The following CHST6 variants were observed in gnomAD, a reference collection of about 807,000 sequenced individuals.
CHST6 encodes the protein carbohydrate sulfotransferase 6.
For synonymous variants in CHST6, 309 were observed against 276.4 expected, an observed-to-expected ratio of 1.12 and a Z score of -1.17; for missense variants, 698 against 586.2, an observed-to-expected ratio of 1.19 and a Z score of -1.97.
At position 75,478,580 on chromosome 16, in the gene CHST6, G is replaced by T. The variant is rs2080091365; in HGVS notation, c.*61C>A. 1.3e-6 allele frequency: 2 copies of T among 1,556,602 alleles called. No homozygotes were observed. Among genetic ancestry groups the T allele is most frequent in the Non-Finnish European group, 1.8e-6 (2 of 1,128,688 alleles). On this transcript the variant is annotated 3_prime_UTR_variant, in exon 3 of 3. Coordinates refer to ENST00000332272, the MANE Select transcript of CHST6 (RefSeq NM_021615.5). The stretch of plus-strand genomic sequence containing the variant: ...GGGACCTGCTTCTCCGTGCGCCCCA[G>T]CCCCCTCTGCACCATGCACTCTCCT...
At position 75,479,127 on chromosome 16, in the gene CHST6, C is replaced by G. The variant is rs773482250; in HGVS notation, c.702G>C (p.Glu234Asp). ...IVLGTNGTWV[E>D]ADPGLRVVRE... Reference sequence around the variant, plus strand: ...GCACCACGCGCAGGCCGGGGTCGGCCTCCACCCACGTGCCGTTGGTGCCCA... The same window carrying G: ...GCACCACGCGCAGGCCGGGGTCGGCGTCCACCCACGTGCCGTTGGTGCCCA... The change falls in exon 3 of 3, where the codon GAG (glutamate) becomes GAC (aspartate). Residue 234 changes from glutamate to aspartate, a missense_variant. Transcript: ENST00000332272. 6.2e-6 allele frequency: 10 copies of G among 1,606,012 alleles called. No homozygotes were observed. Among genetic ancestry groups the G allele is most frequent in the Non-Finnish European group, 7.6e-6 (9 of 1,178,756 alleles).
Position 75,495,332 on chromosome 16 carries a change from C to G in CHST6, c.-484G>C, listed in dbSNP as rs979195437. ...TCCCTCTGGAACCCGGCACTGCGGC[C>G]CGCGCCCTCTACTCCCCGCGCGCCG... is the stretch of plus-strand genomic sequence containing the variant. On this transcript the variant is annotated 5_prime_UTR_variant, in exon 1 of 3. Transcript: ENST00000332272. 3.3e-5 allele frequency: 5 copies of G among 152,528 alleles called. No individual in the cohort carries two copies. Among genetic ancestry groups the G allele is most frequent in the Non-Finnish European group, 5.9e-5 (4 of 68,314 alleles). The allele number at this position is 152,528 out of a possible 1,614,324, so 9.4% of individuals were successfully genotyped here.
Position 75,478,888 on chromosome 16 carries a change from G to C in CHST6, c.941C>G (p.Ala314Gly), listed in dbSNP as rs1013457015. ...HNITHGSGPG[A>G]RREAFKTSSR... ...CGAAGTCTTGAAGGCTTCGCGGCGC[G>C]CACCAGGTCCAGATCCGTGGGTGAT... Residue 314 changes from alanine (A) to glycine (G), a missense_variant, in exon 3 of 3, where the codon GCG becomes GGG. Physicochemically the swap from Ala to Gly is moderately conservative, Grantham distance 60. Transcript: ENST00000332272. The C allele has an allele frequency of 1.9e-6, 3 of 1,613,392 alleles. No individual in the cohort carries two copies. In the East Asian group the frequency reaches 6.7e-5, roughly 36 times the overall value.
Position 75,479,834 on chromosome 16 carries a change from C to A in CHST6, c.-6G>T. 6.5e-7 allele frequency: 1 copy of A among 1,550,364 alleles called. No individual in the cohort carries two copies. Among genetic ancestry groups the A allele is most frequent in the South Asian group, 1.2e-5 (1 of 84,596 alleles). On this transcript the variant is annotated 5_prime_UTR_variant, in exon 3 of 3. Coordinates refer to ENST00000332272, the MANE Select transcript of CHST6 (RefSeq NM_021615.5). The stretch of plus-strand genomic sequence containing the variant: ...GAGACGCGCGGCAGCCACATGCTGA[C>A]TGCTGGGGGCCTTAGGGAGGAGAGC...
At chr16:75,484,854 C>T (rs550175074) in intron 1 of CHST6, among the ~76,000 whole-genome samples, 106 of 152,016 alleles carry the variant, frequency 7.0e-4, no homozygotes, top group African/African-American at 2.4e-3. Context: ...AAAAACAAAA[C>T]AAACAAACAA....
intron 1 of CHST6, among the ~76,000 whole-genome samples, chr16:75,491,172 A>ATATAT: frequency 1.4e-5 from 1 of 70,600 alleles, no homozygotes; most frequent in African/African-American, 7.4e-5. Context: ...TCTTAAAAAA[A>ATATAT]AAAAAAAAAA....
In CHST6 at chr16:75,472,853, C is replaced by T. The variant is rs1002523770; in HGVS notation, c.*5788G>A. On this transcript the variant is annotated 3_prime_UTR_variant, in exon 3 of 3. Transcript: ENST00000332272. ...CACTGTTTCTATGCACCCATCAGCC[C>T]ATCTAGTGCTTTGATTGCCCCTTCT... The T allele has an allele frequency of 4.6e-5, 7 of 152,202 alleles. No individual in the cohort carries two copies. The highest frequency in any genetic ancestry group is 1.7e-4 in the African/African-American group (7 of 41,452). The allele number at this position is 152,202 out of a possible 1,614,324, so 9.4% of individuals were successfully genotyped here.
rs1228637836 is a variant in CHST6, at chr16:75,474,217, G to A, written c.*4424C>T. 5.6e-6 allele frequency: 1 copy of A among 177,204 alleles called. No homozygotes were observed. Among genetic ancestry groups the A allele is most frequent in the East Asian group, 1.4e-4 (1 of 7,406 alleles). 11.0% of individuals were successfully genotyped at this position (177,204 alleles called of 1,614,324 possible). A position where few individuals can be genotyped will look rare whatever the true frequency, so the allele number is the denominator to read the frequency against. Reference sequence around the variant, plus strand: ...AAACATTGTTTTTCTTTGTGAATCTGTCTTTTCATTAAAAAGTCTCTCTTA... The same window carrying A: ...AAACATTGTTTTTCTTTGTGAATCTATCTTTTCATTAAAAAGTCTCTCTTA... On this transcript the variant is annotated 3_prime_UTR_variant, in exon 3 of 3. Transcript: ENST00000332272.
At position 75,474,186 on chromosome 16, in the gene CHST6, A is replaced by G. The variant is rs2080043017; in HGVS notation, c.*4455T>C. ...GCAAGACTCTGCCTCAAAAAAACAGAAACAAAAACATTGTTTTTCTTTGTG... is the reference window on the plus strand; with the variant it reads ...GCAAGACTCTGCCTCAAAAAAACAGGAACAAAAACATTGTTTTTCTTTGTG... On this transcript the variant is annotated 3_prime_UTR_variant, in exon 3 of 3. Transcript: ENST00000332272. The G allele has an allele frequency of 6.4e-6, 1 of 155,874 alleles. No homozygotes were observed. Among genetic ancestry groups the G allele is most frequent in the African/African-American group, 2.4e-5 (1 of 41,646 alleles). 9.7% of individuals were successfully genotyped at this position (155,874 alleles called of 1,614,324 possible). A position where few individuals can be genotyped will look rare whatever the true frequency, so the allele number is the denominator to read the frequency against.
At chr16:75,486,560 A>G (rs1376609946) in intron 1 of CHST6, among the ~76,000 whole-genome samples, 2 of 152,244 alleles carry the variant, frequency 1.3e-5, no homozygotes, top group African/African-American at 4.8e-5. Context: ...GGAATGGGAC[A>G]TCTGCTCAAC....
chr16:75,487,643 C>CA lies in CHST6; in HGVS notation c.-91-5753dup, dbSNP rs541474006. On this transcript the variant is annotated intron_variant, in intron 1 of 2. Coordinates refer to ENST00000332272, the MANE Select transcript of CHST6 (RefSeq NM_021615.5). ...TGAAACCCTGTCTCTACTAAAAATA[C>CA]AAAAAATTAGCCGGGCGTGGTGGCG... 3.5e-3 allele frequency among the ~76,000 whole-genome samples: 537 copies of CA among 151,400 alleles called. 3 individuals carry two copies. Among genetic ancestry groups the CA allele is most frequent in the African/African-American group, 0.012 (504 of 41,300 alleles).
chr16:75,474,549 T>C lies in CHST6; in HGVS notation c.*4092A>G. ...CCTCAGCCTTGCAAAGTATTGGGAT[T>C]ACAGGCGTGAGCCACTGAACCCAGC... On this transcript the variant is annotated 3_prime_UTR_variant, in exon 3 of 3. Coordinates refer to ENST00000332272, the MANE Select transcript of CHST6 (RefSeq NM_021615.5). 2.5e-6 allele frequency: 1 copy of C among 398,344 alleles called. No homozygotes were observed. Among genetic ancestry groups the C allele is most frequent in the South Asian group, 1.3e-4 (1 of 7,792 alleles). 24.7% of individuals were successfully genotyped at this position (398,344 alleles called of 1,614,324 possible).
Position 75,494,955 on chromosome 16 carries a change from C to T in CHST6, c.-107G>A, listed in dbSNP as rs891665879. On this transcript the variant is annotated 5_prime_UTR_variant, in exon 1 of 3. Coordinates refer to ENST00000332272, the MANE Select transcript of CHST6 (RefSeq NM_021615.5). ...ACCAACGTACCCCAAAGCTTGGCGG[C>T]TCTGCCCGAGCTGCAGCGGCACGGT... The T allele has an allele frequency of 2.6e-5, 4 of 152,360 alleles. No homozygotes were observed. Among genetic ancestry groups the T allele is most frequent in the Non-Finnish European group, 5.9e-5 (4 of 68,160 alleles). The allele number at this position is 152,360 out of a possible 1,614,324, so 9.4% of individuals were successfully genotyped here.
Position 75,495,037 on chromosome 16 carries a change from A to G in CHST6, c.-189T>C, listed in dbSNP as rs1304327081. ...GGCTCCCAAACGTCGTCTCTTCCAA[A>G]TTCCACCGCACAGCCAGCTCTTTCT... On this transcript the variant is annotated 5_prime_UTR_variant, in exon 1 of 3. Transcript: ENST00000332272. The G allele has an allele frequency of 6.6e-6, 1 of 152,504 alleles. No homozygotes were observed. Among genetic ancestry groups the G allele is most frequent in the African/African-American group, 2.4e-5 (1 of 41,470 alleles). The allele number at this position is 152,504 out of a possible 1,614,324, so 9.4% of individuals were successfully genotyped here. A position where few individuals can be genotyped will look rare whatever the true frequency, so the allele number is the denominator to read the frequency against.
chr16:75,486,558 A>G (rs2080200809), intron 1 of CHST6, among the ~76,000 whole-genome samples: 1 of 152,222 alleles, frequency 6.6e-6, no homozygotes, highest in South Asian at 2.1e-4. Flanking sequence ...TAGGAATGGG[A>G]CATCTGCTCA....
chr16:75,484,647 C>G (rs533806618), intron 1 of CHST6, among the ~76,000 whole-genome samples: 4 of 152,140 alleles, frequency 2.6e-5, no homozygotes, highest in Admixed American at 6.5e-5. Flanking sequence ...GTCAGTAGAT[C>G]GAGACCAGCC....
intron 2 of CHST6, among the ~76,000 whole-genome samples, chr16:75,481,526 G>A (rs531029678): frequency 6.7e-6 from 1 of 148,612 alleles, no homozygotes; most frequent in East Asian, 2.1e-4. Flanking sequence ...AACCCGGGAG[G>A]CAGAGGTTGC....
chr16:75,491,220 AAATAT>A (rs1427272493), intron 1 of CHST6, among the ~76,000 whole-genome samples: 3 of 126,118 alleles, frequency 2.4e-5, no homozygotes, highest in South Asian at 2.7e-4. Flanking sequence ...TATATATATA[AAATAT>A]AATATACTTA....
intron 2 of CHST6, 56 bp from the exon 3 acceptor site, chr16:75,479,900 C>G: frequency 2.7e-6 from 4 of 1,455,876 alleles, no homozygotes; most frequent in Non-Finnish European, 3.7e-6. Context: ...CATCCCGTAC[C>G]CCACTGCCCA....
Sources: allele counts gnomAD v4.1 joint callset (sites outside exome capture counted in the v4.1 genomes callset), GRCh38; gene constraint gnomAD v4.1.1; transcripts MANE v1.5; gene names NCBI Gene and HGNC (gene_info 2026-07-23, HGNC 2026-07-21).